PKNOX2: variants seen among roughly 807,000 people sequenced by gnomAD.
PKNOX2 encodes homeobox protein PKNOX2.
PKNOX2 carries 14 observed loss-of-function variants against 53.1 expected under a neutral mutation model. The ratio of observed to expected loss-of-function variants is 0.26; its 90% CI spans 0.17 to 0.41. The LOEUF is 0.41. PKNOX2 is among the 10% of genes least tolerant of loss of function. The pLI is 1.00. For synonymous variants in PKNOX2, 257 were observed against 242.8 expected (o/e 1.06, Z -0.54); for missense variants, 496 against 602.8 (o/e 0.82, Z 1.85).
At chr11:125,170,322 T>C (rs1470058960) in intron 1 of PKNOX2, among the ~76,000 whole-genome samples, 1 of 152,196 alleles carries the variant, frequency 6.6e-6, no homozygotes, top group African/African-American at 2.4e-5. Context: ...CCCTAGTCTT[T>C]GGGGATTCCT....
chr11:125,355,920 C>T (rs190359091), intron 4 of PKNOX2, among the ~76,000 whole-genome samples: 28 of 152,220 alleles, frequency 1.8e-4, no homozygotes, highest in Middle Eastern at 6.8e-3. Context: ...GCGAAGTTCT[C>T]ACTTCTATAG....
intron 10 of PKNOX2, among the ~76,000 whole-genome samples, chr11:125,413,925 C>G (rs1196549003): frequency 1.3e-5 from 2 of 152,164 alleles, no homozygotes; most frequent in Non-Finnish European, 2.9e-5. Flanking sequence ...CACTGACTCT[C>G]CTCACCCTAT....
At chr11:125,220,596 G>A (rs1941038826) in intron 1 of PKNOX2, among the ~76,000 whole-genome samples, 2 of 152,122 alleles carry the variant, frequency 1.3e-5, no homozygotes. Context: ...AGGAAACAAT[G>A]GCAGGTCACT....
At chr11:125,239,176 C>G (rs1216831675) in intron 2 of PKNOX2, among the ~76,000 whole-genome samples, 2 of 152,332 alleles carry the variant, frequency 1.3e-5, no homozygotes, top group Middle Eastern at 6.8e-3. Flanking sequence ...ACTGTACTCT[C>G]CATAAAAGTT....
At chr11:125,198,661 C>G (rs1353787322) in intron 1 of PKNOX2, among the ~76,000 whole-genome samples, 1 of 152,148 alleles carries the variant, frequency 6.6e-6, no homozygotes, top group Non-Finnish European at 1.5e-5. Flanking sequence ...TGCTCTAAGA[C>G]AATCGGTGGT....
intron 1 of PKNOX2, among the ~76,000 whole-genome samples, chr11:125,230,914 A>T (rs762502229): frequency 6.6e-6 from 1 of 152,124 alleles, no homozygotes; most frequent in Non-Finnish European, 1.5e-5. Context: ...TTAAACCTGA[A>T]ACTGTTTGAC....
chr11:125,420,842 CA>C (rs1428146344), intron 10 of PKNOX2, among the ~76,000 whole-genome samples: 1 of 152,014 alleles, frequency 6.6e-6, no homozygotes, highest in Non-Finnish European at 1.5e-5. Context: ...CAATAGGGCA[CA>C]AAAAGGAGAC....
intron 10 of PKNOX2, among the ~76,000 whole-genome samples, chr11:125,414,928 CA>C (rs1955790601): frequency 6.6e-6 from 1 of 152,152 alleles, no homozygotes; most frequent in South Asian, 2.1e-4. Flanking sequence ...GAATATTAAT[CA>C]GAGGTAGATA....
At chr11:125,178,696 G>GAGAGAGAA (rs1555108485) in intron 1 of PKNOX2, among the ~76,000 whole-genome samples, 16 of 70,172 alleles carry the variant, frequency 2.3e-4, no homozygotes, top group East Asian at 7.1e-4. Flanking sequence ...GAGAGAGAGA[G>GAGAGAGAA]AGAAAGAAAG....
intron 5 of PKNOX2, among the ~76,000 whole-genome samples, chr11:125,378,905 C>T (rs73628720): frequency 0.052 from 7,948 of 152,000 alleles, 284 homozygotes; most frequent in East Asian, 0.14. Context: ...TGTATTTTTG[C>T]ATTCTTTCTA....
intron 1 of PKNOX2, among the ~76,000 whole-genome samples, chr11:125,176,981 GT>G (rs1955759100): frequency 6.6e-6 from 1 of 152,176 alleles, no homozygotes; most frequent in Non-Finnish European, 1.5e-5. Context: ...CCCAGTTAGG[GT>G]CCTGGTGATA....
intron 1 of PKNOX2, among the ~76,000 whole-genome samples, chr11:125,234,083 T>G (rs1942465009): frequency 6.6e-6 from 1 of 151,546 alleles, no homozygotes; most frequent in Non-Finnish European, 1.5e-5. Flanking sequence ...GTCTTTGGAA[T>G]GCCTTCTCCT....
intron 12 of PKNOX2, 128 bp from the exon 13 acceptor site, chr11:125,431,038 G>C: frequency 6.9e-7 from 1 of 1,452,330 alleles, no homozygotes; most frequent in Non-Finnish European, 9.1e-7. Flanking sequence ...TCCAGCTCAG[G>C]CTTGGACAGC....
At chr11:125,197,892 C>T (rs574818943) in intron 1 of PKNOX2, among the ~76,000 whole-genome samples, 2 of 152,334 alleles carry the variant, frequency 1.3e-5, no homozygotes, top group East Asian at 3.9e-4. Flanking sequence ...CTTTGGGCCA[C>T]AACTGCAGCC....
At chr11:125,396,117 C>A (rs376906637) in intron 6 of PKNOX2, among the ~76,000 whole-genome samples, 2 of 152,092 alleles carry the variant, frequency 1.3e-5, no homozygotes, top group East Asian at 1.9e-4. Flanking sequence ...CCACCACTGG[C>A]TAATTTTTGT....
At chr11:125,360,351 A>T (rs2136241135) in intron 4 of PKNOX2, among the ~76,000 whole-genome samples, 1 of 152,182 alleles carries the variant, frequency 6.6e-6, no homozygotes, top group East Asian at 1.9e-4. Flanking sequence ...TCAGAGGAGA[A>T]ATCTAGCAAA....
At chr11:125,393,674 G>A (rs1247474157) in intron 6 of PKNOX2, among the ~76,000 whole-genome samples, 3 of 152,124 alleles carry the variant, frequency 2.0e-5, no homozygotes, top group African/African-American at 7.2e-5. Flanking sequence ...CACCTGTGTT[G>A]GTGAGGTGTT....
intron 4 of PKNOX2, among the ~76,000 whole-genome samples, chr11:125,362,901 T>A (rs1209516784): frequency 6.6e-6 from 1 of 152,090 alleles, no homozygotes; most frequent in African/African-American, 2.4e-5. Context: ...CCCACCCAGA[T>A]TTTACACACC....
At chr11:125,389,012 T>C (rs1953848048) in intron 6 of PKNOX2, among the ~76,000 whole-genome samples, 1 of 152,132 alleles carries the variant, frequency 6.6e-6, no homozygotes, top group Non-Finnish European at 1.5e-5. Flanking sequence ...CTGGCCAACA[T>C]GGCGAAACCT....
Sources: gnomAD v4.1 joint callset for allele counts (sites outside exome capture counted in the v4.1 genomes callset) on GRCh38, gnomAD v4.1.1 for gene constraint, MANE v1.5 for transcripts, NCBI Gene and HGNC (gene_info 2026-07-23, HGNC 2026-07-21) for gene names.